LCORL: variants seen among roughly 807,000 people sequenced by gnomAD.
LCORL encodes ligand-dependent nuclear receptor corepressor-like protein.
Under a neutral mutation model 141.8 loss-of-function variants are expected in LCORL, and 41 were observed. The ratio of observed to expected loss-of-function variants is 0.29; its 90% CI spans 0.23 to 0.38. The LOEUF is 0.38. LCORL is among the 10% of genes least tolerant of loss of function. The pLI is 1.00. For missense variants in LCORL, 1,759 were observed against 2,035.0 expected, an observed-to-expected ratio of 0.86 and a Z score of 2.61; for synonymous variants, 618 against 694.1, an observed-to-expected ratio of 0.89 and a Z score of 1.72.
At chr4:17,984,859 TAA>T (rs542243226) in intron 1 of LCORL, among the ~76,000 whole-genome samples, 299 of 152,236 alleles carry the variant, frequency 2.0e-3, no homozygotes, top group African/African-American at 6.7e-3. Context: ...GTTAGGCTGT[TAA>T]TTTGAGATCT....
At chr4:17,992,999 T>C (rs1720287576) in intron 1 of LCORL, among the ~76,000 whole-genome samples, 1 of 152,164 alleles carries the variant, frequency 6.6e-6, no homozygotes. Flanking sequence ...AAGTGGAGTC[T>C]TAATGGAAGA....
chr4:18,014,511 C>T (rs1348298555), intron 1 of LCORL, among the ~76,000 whole-genome samples: 1 of 151,702 alleles, frequency 6.6e-6, no homozygotes, highest in African/African-American at 2.4e-5. Flanking sequence ...CCATGAGATA[C>T]TGTAAAGAAA....
At chr4:17,887,111 A>T (rs924618309) in intron 5 of LCORL, among the ~76,000 whole-genome samples, 43 of 152,126 alleles carry the variant, frequency 2.8e-4, no homozygotes, top group African/African-American at 9.2e-4. Flanking sequence ...CTGGGCAGAT[A>T]CAAAGATGAA....
intron 6 of LCORL, among the ~76,000 whole-genome samples, chr4:17,879,185 A>G (rs1727247593): frequency 1.3e-5 from 2 of 151,178 alleles, no homozygotes; most frequent in African/African-American, 4.8e-5. Flanking sequence ...TTAAATGCAG[A>G]ATTATGCTCA....
chr4:17,905,165 T>C (rs965602481), intron 5 of LCORL, among the ~76,000 whole-genome samples: 3 of 152,138 alleles, frequency 2.0e-5, no homozygotes, highest in African/African-American at 7.2e-5. Context: ...TCATCAAATG[T>C]TTAAAACTGA....
chr4:18,006,576 A>C (rs6842114), intron 1 of LCORL, among the ~76,000 whole-genome samples: 37,864 of 152,158 alleles, frequency 0.25, 6,197 homozygotes, highest in African/African-American at 0.46. Flanking sequence ...TACAGTTTGA[A>C]GTGGCTGGGG....
intron 1 of LCORL, among the ~76,000 whole-genome samples, chr4:18,019,274 G>A (rs1560492903): frequency 6.6e-6 from 1 of 152,202 alleles, no homozygotes; most frequent in Non-Finnish European, 1.5e-5. Flanking sequence ...AGGAGGCGGA[G>A]GTTGCAGTGA....
At chr4:17,984,365 C>G (rs180952874) in intron 1 of LCORL, among the ~76,000 whole-genome samples, 1 of 152,094 alleles carries the variant, frequency 6.6e-6, no homozygotes, top group Non-Finnish European at 1.5e-5. Flanking sequence ...GTTTGTGTAT[C>G]TGGTAGAATT....
intron 1 of LCORL, among the ~76,000 whole-genome samples, chr4:17,982,991 A>G (rs1314734291): frequency 6.6e-6 from 1 of 152,226 alleles, no homozygotes. Flanking sequence ...ATGACTAGCC[A>G]GTTATCCCAG....
At chr4:17,925,533 CAGAAA>C (rs1185044800) in intron 4 of LCORL, among the ~76,000 whole-genome samples, 6 of 152,112 alleles carry the variant, frequency 3.9e-5, no homozygotes, top group Non-Finnish European at 2.9e-5. Flanking sequence ...TGACCAGTTG[CAGAAA>C]TGAGGACTTT....
At chr4:18,005,439 A>G (rs1007795338) in intron 1 of LCORL, among the ~76,000 whole-genome samples, 11 of 152,106 alleles carry the variant, frequency 7.2e-5, no homozygotes, top group African/African-American at 2.7e-4. Flanking sequence ...TGGGGTCTGA[A>G]GGACGATGGC....
At chr4:17,844,433 A>G (rs1722728153) in exon 8 of LCORL, 2 of 152,386 alleles carry the variant, frequency 1.3e-5, no homozygotes, top group Admixed American at 1.3e-4. Context: ...CTTAAGGTGA[A>G]ATTTTAAGAT....
At chr4:17,845,644 A>G (rs1002488010) in exon 8 of LCORL, 2 of 1,010,880 alleles carry the variant, frequency 2.0e-6, no homozygotes, top group African/African-American at 3.2e-5. Flanking sequence ...AAATACTTCA[A>G]GATCAATTGA....
chr4:17,857,522 G>A (rs1217697077), intron 7 of LCORL, among the ~76,000 whole-genome samples: 1 of 152,104 alleles, frequency 6.6e-6, no homozygotes, highest in Non-Finnish European at 1.5e-5. Context: ...CTACCACAGG[G>A]CTTCTTAACA....
At chr4:17,984,650 G>A (rs990681620) in intron 1 of LCORL, among the ~76,000 whole-genome samples, 3 of 151,644 alleles carry the variant, frequency 2.0e-5, no homozygotes, top group African/African-American at 7.3e-5. Context: ...GCTTATTTAG[G>A]TCTTCTCTCT....
intron 4 of LCORL, among the ~76,000 whole-genome samples, chr4:17,920,975 A>G (rs1225299828): frequency 2.0e-5 from 3 of 152,140 alleles, no homozygotes; most frequent in Admixed American, 6.6e-5. Flanking sequence ...TTCTTCTGTT[A>G]ATTCTGATAT....
exon 7 of LCORL, chr4:17,873,399 G>A (rs1726580073): frequency 1.1e-5 from 14 of 1,233,478 alleles, no homozygotes; most frequent in Non-Finnish European, 1.4e-5. Flanking sequence ...TAGGGATTTG[G>A]AAAAATAGTT....
intron 4 of LCORL, among the ~76,000 whole-genome samples, chr4:17,941,848 T>G (rs551450477): frequency 8.5e-6 from 1 of 118,150 alleles, no homozygotes; most frequent in African/African-American, 3.3e-5. Flanking sequence ...TTTCCCATGA[T>G]AGAATTTTTT....
chr4:18,002,676 G>C (rs1722162497), intron 1 of LCORL, among the ~76,000 whole-genome samples: 1 of 152,114 alleles, frequency 6.6e-6, no homozygotes, highest in Non-Finnish European at 1.5e-5. Flanking sequence ...AATTAAGCCA[G>C]AATTTGTTAT....
Sources: gnomAD v4.1 joint callset for allele counts (sites outside exome capture counted in the v4.1 genomes callset) on GRCh38, gnomAD v4.1.1 for gene constraint, MANE v1.5 for transcripts, NCBI Gene and HGNC (gene_info 2026-07-23, HGNC 2026-07-21) for gene names.